ZFHX3: variants seen among roughly 807,000 people sequenced by gnomAD.
ZFHX3 encodes the protein zinc finger homeobox 3, also known as zinc finger homeobox protein 3.
In ZFHX3, 42 loss-of-function variants were observed where a neutral mutation model predicts 279.1. The ratio of observed to expected loss-of-function variants is 0.15; its 90% confidence interval spans 0.12 to 0.19. The LOEUF (loss-of-function observed/expected upper bound fraction) is 0.19, where lower values mean the gene tolerates loss of function less well. Ranked by LOEUF, ZFHX3 falls within the 10% of genes least tolerant of loss-of-function variation. ZFHX3 has a pLI of 1.00. For synonymous variants in ZFHX3, 2,293 were observed against 1,957.8 expected (o/e 1.17, Z -4.52); for missense variants, 4,981 against 4,754.0 (o/e 1.05, Z -1.40).
At chr16:73,193,871 G>C (rs896396804) in intron 5 of ZFHX3, among the ~76,000 whole-genome samples, 13 of 152,210 alleles carry the variant, frequency 8.5e-5, no homozygotes, top group Non-Finnish European at 1.8e-4. Context: ...TGCACCACAT[G>C]CTTAAACCAT....
chr16:73,106,000 C>G (rs1414658588), intron 7 of ZFHX3, among the ~76,000 whole-genome samples: 1 of 149,224 alleles, frequency 6.7e-6, no homozygotes, highest in Admixed American at 6.7e-5. Flanking sequence ...GGAACGCCAG[C>G]CTCAGAGCCA....
intron 4 of ZFHX3, among the ~76,000 whole-genome samples, chr16:73,296,068 CCGTGTG>C (rs1473649997): frequency 3.6e-5 from 4 of 110,830 alleles, no homozygotes; most frequent in African/African-American, 1.1e-4. Flanking sequence ...CATTACAATC[CCGTGTG>C]TGTGTGTGTG....
chr16:73,865,686 C>T (rs1243162260), intron 1 of ZFHX3, among the ~76,000 whole-genome samples: 3 of 152,106 alleles, frequency 2.0e-5, no homozygotes, highest in Non-Finnish European at 4.4e-5. Context: ...TCTGTTAAAA[C>T]ATGTTACTGC....
At chr16:73,677,180 T>C (rs115530772) in intron 2 of ZFHX3, among the ~76,000 whole-genome samples, 349 of 151,928 alleles carry the variant, frequency 2.3e-3, no homozygotes, top group African/African-American at 8.0e-3. Flanking sequence ...TAAGTAAAAA[T>C]CATCACAGGT....
At chr16:73,768,105 A>G (rs780426337) in intron 1 of ZFHX3, among the ~76,000 whole-genome samples, 2 of 152,154 alleles carry the variant, frequency 1.3e-5, no homozygotes, top group African/African-American at 2.4e-5. Flanking sequence ...ACCCTTGGCC[A>G]CTTACTGTGG....
At position 73,140,668 on chromosome 16, in the gene ZFHX3, C is replaced by T. The variant is rs183934903; in HGVS notation, c.-1024+3084G>A. On this transcript the variant is annotated intron_variant, in intron 6 of 17. Transcript: ENST00000641206. ...GTCAGGAGTTCAAGACCAGCCTGGC[C>T]AACATGGCGTAACCCTGTCTACTAA... 1.1e-4 allele frequency among the ~76,000 whole-genome samples: 17 copies of T among 152,264 alleles called. No homozygotes were observed. In the East Asian group the frequency reaches 2.7e-3, roughly 24 times the overall value.
intron 5 of ZFHX3, among the ~76,000 whole-genome samples, chr16:73,198,373 T>C (rs1396754029): frequency 1.3e-5 from 2 of 151,112 alleles, no homozygotes; most frequent in East Asian, 3.9e-4. Context: ...TTTAACCCCA[T>C]TGCTGGACAT....
At chr16:73,541,628 G>A (rs559742449) in intron 2 of ZFHX3, among the ~76,000 whole-genome samples, 1 of 152,234 alleles carries the variant, frequency 6.6e-6, no homozygotes, top group Admixed American at 6.5e-5. Flanking sequence ...CCTGCATGCA[G>A]AGACGGATGC....
intron 3 of ZFHX3, among the ~76,000 whole-genome samples, chr16:73,339,774 A>T (rs573623311): frequency 9.2e-5 from 14 of 152,336 alleles, no homozygotes; most frequent in Non-Finnish European, 1.5e-4. Flanking sequence ...AGGACTTTGG[A>T]TATTCCACAA....
intron 3 of ZFHX3, among the ~76,000 whole-genome samples, chr16:73,452,391 T>C (rs1338821286): frequency 6.6e-6 from 1 of 152,190 alleles, no homozygotes; most frequent in Non-Finnish European, 1.5e-5. Flanking sequence ...ATCACCTTTT[T>C]ATTTTAATTT....
At chr16:72,949,578 T>G (rs1960874681) in intron 3 of ZFHX3, among the ~76,000 whole-genome samples, 1 of 149,688 alleles carries the variant, frequency 6.7e-6, no homozygotes, top group Non-Finnish European at 1.5e-5. Flanking sequence ...GTCTATGGAG[T>G]AGAGGGAAGG....
intron 2 of ZFHX3, among the ~76,000 whole-genome samples, chr16:73,521,433 C>A (rs950324751): frequency 1.3e-5 from 2 of 152,152 alleles, no homozygotes; most frequent in African/African-American, 4.8e-5. Context: ...AACTCTGAAC[C>A]TACCACAATA....
At chr16:73,218,289 G>T (rs1426781613) in intron 5 of ZFHX3, among the ~76,000 whole-genome samples, 1 of 152,142 alleles carries the variant, frequency 6.6e-6, no homozygotes, top group Non-Finnish European at 1.5e-5. Flanking sequence ...ATGATTAAAA[G>T]AAATTGTAGT....
chr16:73,489,756 CAAA>C (rs1411663577), intron 2 of ZFHX3, among the ~76,000 whole-genome samples: 2 of 151,864 alleles, frequency 1.3e-5, no homozygotes, highest in African/African-American at 4.8e-5. Context: ...TAAAAAGAAA[CAAA>C]ATTCTGACTC....
chr16:73,562,174 G>A (rs1045980404), intron 2 of ZFHX3, among the ~76,000 whole-genome samples: 5 of 152,098 alleles, frequency 3.3e-5, no homozygotes, highest in African/African-American at 7.2e-5. Context: ...TATTCCCTAG[G>A]TTCTGCCAAG....
At chr16:73,511,124 C>A (rs825832) in intron 2 of ZFHX3, among the ~76,000 whole-genome samples, 3 of 151,918 alleles carry the variant, frequency 2.0e-5, no homozygotes, top group Non-Finnish European at 2.9e-5. Flanking sequence ...TGGCTGAGAA[C>A]GGAAGTTAAT....
intron 2 of ZFHX3, among the ~76,000 whole-genome samples, chr16:73,605,921 A>G (rs1311605494): frequency 6.6e-6 from 1 of 152,072 alleles, no homozygotes; most frequent in African/African-American, 2.4e-5. Flanking sequence ...ACAGTGGCTC[A>G]CACCTGTAAT....
chr16:72,850,384 G>A (rs1247325481), intron 4 of ZFHX3, among the ~76,000 whole-genome samples: 1 of 152,262 alleles, frequency 6.6e-6, no homozygotes, highest in Non-Finnish European at 1.5e-5. Flanking sequence ...TCACTACCAA[G>A]TGTGCAGTAA....
intron 4 of ZFHX3, among the ~76,000 whole-genome samples, chr16:72,839,184 C>A (rs1442567246): frequency 2.6e-5 from 4 of 151,632 alleles, no homozygotes; most frequent in South Asian, 4.2e-4. Flanking sequence ...ATCGCAGGCC[C>A]ATCTCTCCCT....
Sources: gnomAD v4.1 joint callset for allele counts (sites outside exome capture counted in the v4.1 genomes callset) on GRCh38, gnomAD v4.1.1 for gene constraint, MANE v1.5 for transcripts, NCBI Gene and HGNC (gene_info 2026-07-23, HGNC 2026-07-21) for gene names.